USP13: variants seen among roughly 807,000 people sequenced by gnomAD.
USP13 encodes the protein ubiquitin carboxyl-terminal hydrolase 13.
In USP13, 68 loss-of-function variants were observed where a neutral mutation model predicts 107.8. The observed-to-expected ratio is 0.63, with a 90% CI of 0.52 to 0.77. The LOEUF (loss-of-function observed/expected upper bound fraction) is 0.77. Among genes scored for constraint, USP13 ranks in the 30% least tolerant of loss-of-function variants. The probability of loss-of-function intolerance (pLI) is 0.00; values close to 1 mark genes in which losing one functional copy is unlikely to be tolerated. For missense variants in USP13, 945 were observed against 1,093.3 expected, an observed-to-expected ratio of 0.86 and a Z score of 1.91; for synonymous variants, 377 against 389.5, an observed-to-expected ratio of 0.97 and a Z score of 0.38.
chr3:179,687,641 AAG>A (rs991267079), intron 2 of USP13, among the ~76,000 whole-genome samples: 2 of 119,134 alleles, frequency 1.7e-5, no homozygotes, highest in African/African-American at 6.5e-5. Context: ...CCTGGGCAAC[AAG>A]AGTGAAACTC....
At chr3:179,777,941 G>C (rs1251780975) in intron 19 of USP13, among the ~76,000 whole-genome samples, 1 of 152,188 alleles carries the variant, frequency 6.6e-6, no homozygotes, top group Non-Finnish European at 1.5e-5. Flanking sequence ...GGAGGTAAAG[G>C]TGGGTTCTTA....
At chr3:179,701,388 G>A (rs932201484) in intron 4 of USP13, among the ~76,000 whole-genome samples, 1 of 151,972 alleles carries the variant, frequency 6.6e-6, no homozygotes, top group Non-Finnish European at 1.5e-5. Context: ...CTCATTAGCT[G>A]GTCTCTTCCA....
chr3:179,750,920 C>T lies in USP13; in HGVS notation c.1710-1365C>T, dbSNP rs578172527. On this transcript the variant is annotated intron_variant, in intron 13 of 20. Transcript: ENST00000263966. ...TTTTTTGCCCCGTGTTCTGTCCCTGCGCTGTGCCTTTTCTCTGACACTAGG... is the reference window on the plus strand; with the variant it reads ...TTTTTTGCCCCGTGTTCTGTCCCTGTGCTGTGCCTTTTCTCTGACACTAGG... 3.9e-5 allele frequency among the ~76,000 whole-genome samples: 6 copies of T among 152,258 alleles called. No homozygotes were observed. The East Asian group carries it at 1.2e-3, about 29-fold the overall frequency.
chr3:179,713,810 T>C lies in USP13; in HGVS notation c.805+4853T>C, dbSNP rs540621407. Among the ~76,000 whole-genome samples, 227 of 152,322 alleles carry C rather than the reference T, an allele frequency of 1.5e-3. 9 individuals are homozygous for C. The South Asian group carries it at 0.046, about 31-fold the overall frequency. ...TCAAATATTTAATGGTAGTGTGATC[T>C]GATCATCCTGATTTCCTTTCCCCCA... On this transcript the variant is annotated intron_variant, in intron 6 of 20. Transcript: ENST00000263966.
rs1715856073 is a variant in USP13 at position 179,784,387 on chromosome 3, A to G, written c.*246A>G. ...TGTTCAAAAAGATGATGATATTTAAAAACAAAAAAAGTATTCATATTGCTG... is the reference window on the plus strand; with the variant it reads ...TGTTCAAAAAGATGATGATATTTAAGAACAAAAAAAGTATTCATATTGCTG... On this transcript the variant is annotated 3_prime_UTR_variant, in exon 21 of 21. Transcript: ENST00000263966. The G allele has an allele frequency of 2.6e-6, 1 of 382,082 alleles. No individual in the cohort carries two copies. Among genetic ancestry groups the G allele is most frequent in the Admixed American group, 4.3e-5 (1 of 23,466 alleles). 23.7% of individuals were successfully genotyped at this position (382,082 alleles called of 1,614,324 possible). A position where few individuals can be genotyped will look rare whatever the true frequency, so the allele number is the denominator to read the frequency against.
chr3:179,726,247 T>TGAGCAAGTCTGTCATGCCCTGGGG (rs1363548633), intron 8 of USP13, among the ~76,000 whole-genome samples: 6 of 152,034 alleles, frequency 3.9e-5, no homozygotes, highest in Non-Finnish European at 1.5e-5. Context: ...CCTTGAGACA[T>TGAGCAAGTCTGTCATGCCCTGGGG]GAGCAAGTCT....
At chr3:179,722,510 G>A (rs1713361883) in intron 8 of USP13, among the ~76,000 whole-genome samples, 1 of 151,800 alleles carries the variant, frequency 6.6e-6, no homozygotes, top group Admixed American at 6.6e-5. Context: ...AATTATTATG[G>A]GTACATAACA....
chr3:179,754,962 G>A, intron 15 of USP13, 108 bp downstream of exon 15: 1 of 1,422,132 alleles, frequency 7.0e-7, no homozygotes, highest in Non-Finnish European at 9.4e-7. Flanking sequence ...CCCATTGGTG[G>A]TCTAGCTGCC....
At chr3:179,728,943 T>TGGAGAGAGGGAGAGGGAGACCGG in intron 8 of USP13, among the ~76,000 whole-genome samples, 2 of 150,226 alleles carry the variant, frequency 1.3e-5, no homozygotes, top group Non-Finnish European at 3.0e-5. Context: ...AGGGAGACCG[T>TGGAGAGAGGGAGAGGGAGACCGG]GGAGAGAGGG....
At chr3:179,770,460 C>T (rs1715310904) in intron 19 of USP13, among the ~76,000 whole-genome samples, 1 of 152,112 alleles carries the variant, frequency 6.6e-6, no homozygotes, top group Non-Finnish European at 1.5e-5. Context: ...TGTAATTGGC[C>T]ATTCTCTAGG....
In USP13 at chr3:179,759,952, G is replaced by A. The variant is rs145325315; in HGVS notation, c.1949-1160G>A. 6.3e-3 allele frequency among the ~76,000 whole-genome samples: 960 copies of A among 152,274 alleles called. 6 individuals are homozygous for A. The highest frequency in any genetic ancestry group is 0.011 in the Non-Finnish European group (743 of 68,020). On this transcript the variant is annotated intron_variant, in intron 16 of 20. Coordinates refer to ENST00000263966, the MANE Select transcript of USP13 (RefSeq NM_003940.3). Reference sequence around the variant, plus strand: ...CTCCCAAAGAGCTGGGATTACAGGCGTGAGCCACTGCACCCACCTGGTAAA... The same window carrying A: ...CTCCCAAAGAGCTGGGATTACAGGCATGAGCCACTGCACCCACCTGGTAAA...
rs1432401789 is a variant in USP13 at position 179,765,865 on chromosome 3, G to A, written c.2413+17G>A. 6.2e-7 allele frequency: 1 copy of A among 1,612,004 alleles called. No homozygotes were observed. The highest frequency in any genetic ancestry group is 2.2e-5 in the East Asian group (1 of 44,864). ...GATCTGGAAGTAAGTTCTTGCCTTA[G>A]AGGCTGTCTGAGCAGTCAGAACTAT... On this transcript the variant is annotated intron_variant, in intron 19 of 20. Coordinates refer to ENST00000263966, the MANE Select transcript of USP13 (RefSeq NM_003940.3).
rs113797839 is a variant in USP13, at chr3:179,779,719, T to TA, written c.2414-2002dup. Among the ~76,000 whole-genome samples, 812 of 103,774 alleles carry TA rather than the reference T, an allele frequency of 7.8e-3. 9 individuals carry two copies. The highest frequency in any genetic ancestry group is 0.036 in the East Asian group (125 of 3,510). The allele number at this position is 103,774 out of a possible 152,430, so 68.1% of individuals were successfully genotyped here. On this transcript the variant is annotated intron_variant, in intron 19 of 20. Transcript: ENST00000263966. The stretch of plus-strand genomic sequence containing the variant: ...GTCAGCCTTTGACGCAAGGGTTTGT[T>TA]AAAAAAAAAAAAAAAAAAGAAAAAG...
intron 1 of USP13, among the ~76,000 whole-genome samples, chr3:179,669,832 AC>A (rs71182507): frequency 0.27 from 40,371 of 151,152 alleles, 6,212 homozygotes; most frequent in Non-Finnish European, 0.35. Context: ...TATTTTCTTG[AC>A]CCCCCCCTCC....
intron 1 of USP13, among the ~76,000 whole-genome samples, chr3:179,661,086 T>C (rs1327385899): frequency 1.3e-5 from 2 of 152,208 alleles, no homozygotes; most frequent in Non-Finnish European, 2.9e-5. Flanking sequence ...TCACGTAGCC[T>C]TGGGAAAATG....
In USP13 at chr3:179,754,714, ATCTC is replaced by A; in HGVS notation, c.1799-13_1799-10del. The A allele has an allele frequency of 6.2e-7, 1 of 1,610,268 alleles. No individual in the cohort carries two copies. The highest frequency in any genetic ancestry group is 8.5e-7 in the Non-Finnish European group (1 of 1,178,262). On this transcript the variant is annotated splice_polypyrimidine_tract_variant and intron_variant, in intron 14 of 20. Coordinates refer to ENST00000263966, the MANE Select transcript of USP13 (RefSeq NM_003940.3). ...GATTATGGAGAGCCCAGTGGATATA[ATCTC>A]TCTCATTTTGCAGATGTTTCTATTG...
At chr3:179,771,032 C>A (rs947357123) in intron 19 of USP13, among the ~76,000 whole-genome samples, 2 of 152,074 alleles carry the variant, frequency 1.3e-5, no homozygotes, top group African/African-American at 4.8e-5. Context: ...TCTGTCTAAG[C>A]AAAAAGGGAA....
chr3:179,752,442 G>T (rs1181516137), intron 14 of USP13, 69 bp downstream of exon 14: 4 of 1,205,664 alleles, frequency 3.3e-6, no homozygotes, highest in Admixed American at 3.4e-5. Flanking sequence ...GCATGTGAAA[G>T]AGCCCATGTA....
At chr3:179,763,158 C>A (rs1480032415) in intron 17 of USP13, among the ~76,000 whole-genome samples, 1 of 152,138 alleles carries the variant, frequency 6.6e-6, no homozygotes, top group African/African-American at 2.4e-5. Context: ...GTTTTCCCCC[C>A]CATTCTGGTG....
Sources: allele counts gnomAD v4.1 joint callset (sites outside exome capture counted in the v4.1 genomes callset), GRCh38; gene constraint gnomAD v4.1.1; transcripts MANE v1.5; gene names NCBI Gene and HGNC (gene_info 2026-07-23, HGNC 2026-07-21).